KDM7A: variants seen among roughly 807,000 people sequenced by gnomAD.
KDM7A encodes lysine demethylase 7A.
KDM7A carries 28 observed loss-of-function variants against 114.8 expected under a neutral mutation model. That is an observed-to-expected ratio of 0.24 (90% CI 0.18 to 0.33). The LOEUF (loss-of-function observed/expected upper bound fraction) is 0.33, where lower values mean the gene tolerates loss of function less well. KDM7A is among the 10% of genes least tolerant of loss of function. KDM7A has a pLI of 1.00. For missense variants in KDM7A, 942 were observed against 1,142.5 expected (o/e 0.82, Z 2.53); for synonymous variants, 423 against 397.8 (o/e 1.06, Z -0.75).
chr7:140,125,311 C>G (rs57785931), intron 6 of KDM7A, among the ~76,000 whole-genome samples: 52,530 of 152,030 alleles, frequency 0.35, 9,337 homozygotes, highest in Middle Eastern at 0.43. Context: ...TGAAGACTGA[C>G]TTTCTACATC....
At chr7:140,157,596 G>A (rs1015562557) in intron 1 of KDM7A, among the ~76,000 whole-genome samples, 13 of 152,134 alleles carry the variant, frequency 8.5e-5, no homozygotes, top group African/African-American at 3.1e-4. Context: ...CAAGGCTGCA[G>A]TGAGCTGTGA....
At chr7:140,164,345 T>C (rs542664900) in intron 1 of KDM7A, among the ~76,000 whole-genome samples, 1 of 152,334 alleles carries the variant, frequency 6.6e-6, no homozygotes. Flanking sequence ...GATTTTAGAC[T>C]AGATCATTCT....
chr7:140,090,379 G>A lies in KDM7A; in HGVS notation c.*715C>T, dbSNP rs867020970. 6.6e-6 allele frequency: 1 copy of A among 152,154 alleles called. No individual in the cohort carries two copies. The highest frequency in any genetic ancestry group is 2.4e-5 in the African/African-American group (1 of 41,426). The allele number at this position is 152,154 out of a possible 1,614,324, so 9.4% of individuals were successfully genotyped here. A position where few individuals can be genotyped will look rare whatever the true frequency, so the allele number is the denominator to read the frequency against. ...GGGTCATCACAAAATGATGGGGAGTGCAGAGGGAAGGTGGGATATAAGGTA... is the reference window on the plus strand; with the variant it reads ...GGGTCATCACAAAATGATGGGGAGTACAGAGGGAAGGTGGGATATAAGGTA... On this transcript the variant is annotated 3_prime_UTR_variant, in exon 20 of 20. Coordinates refer to ENST00000397560, the MANE Select transcript of KDM7A (RefSeq NM_030647.2).
intron 1 of KDM7A, among the ~76,000 whole-genome samples, chr7:140,172,097 G>C (rs148482350): frequency 6.6e-6 from 1 of 152,180 alleles, no homozygotes; most frequent in Non-Finnish European, 1.5e-5. Context: ...ACTAAAAGTG[G>C]ACACTGTAGG....
rs78300720 is a variant in KDM7A at position 140,096,983 on chromosome 7, G to C, written c.2081C>G (p.Ser694Cys). 1.6e-4 allele frequency: 251 copies of C among 1,612,484 alleles called. 1 individual carries two copies. The East Asian group carries it at 5.5e-3, about 35-fold the overall frequency. The change falls in exon 16 of 20, where the codon TCC becomes TGC. Residue 694 changes from serine to cysteine, a missense_variant. Ser to Cys is a moderately radical substitution (Grantham distance 112). Transcript: ENST00000397560. ...SGDEKKQEIT[S>C]NFKEESNVMR... ...CACATTAGATTCCTCCTTAAAGTTGGATGTTATTTCTTGTTTCTTTTCATC... is the reference window on the plus strand; with the variant it reads ...CACATTAGATTCCTCCTTAAAGTTGCATGTTATTTCTTGTTTCTTTTCATC...
At chr7:140,151,884 T>C (rs62491425) in intron 1 of KDM7A, among the ~76,000 whole-genome samples, 9,349 of 152,282 alleles carry the variant, frequency 0.061, 366 homozygotes, top group Non-Finnish European at 0.09. Flanking sequence ...AGCTATATTT[T>C]CTAGGGCCTA....
chr7:140,125,475 A>G (rs1215672591), intron 6 of KDM7A, among the ~76,000 whole-genome samples: 1 of 152,258 alleles, frequency 6.6e-6, no homozygotes, highest in Non-Finnish European at 1.5e-5. Context: ...CATTTTAATT[A>G]TTTAAATTTA....
chr7:140,149,323 G>C (rs1794374128), intron 1 of KDM7A, among the ~76,000 whole-genome samples: 1 of 152,194 alleles, frequency 6.6e-6, no homozygotes, highest in Non-Finnish European at 1.5e-5. Context: ...TTTGCTTCAA[G>C]TACATAAATG....
intron 11 of KDM7A, among the ~76,000 whole-genome samples, chr7:140,103,477 A>G (rs1349496801): frequency 1.4e-5 from 2 of 141,646 alleles, no homozygotes; most frequent in East Asian, 3.9e-4. Context: ...CCAACCCACG[A>G]CAGGTCCCAG....
At chr7:140,162,807 T>C (rs191152812) in intron 1 of KDM7A, among the ~76,000 whole-genome samples, 16 of 152,192 alleles carry the variant, frequency 1.1e-4, no homozygotes, top group African/African-American at 3.9e-4. Flanking sequence ...TGTTAAGTAG[T>C]AAGAACAAAA....
At chr7:140,109,913 T>A (rs1270329492) in intron 11 of KDM7A, among the ~76,000 whole-genome samples, 1 of 152,208 alleles carries the variant, frequency 6.6e-6, no homozygotes, top group Non-Finnish European at 1.5e-5. Flanking sequence ...CATTTGGTAA[T>A]CTAATAATTT....
intron 6 of KDM7A, among the ~76,000 whole-genome samples, chr7:140,125,305 G>A (rs1244118876): frequency 6.6e-6 from 1 of 152,198 alleles, no homozygotes; most frequent in Non-Finnish European, 1.5e-5. Flanking sequence ...TATAGATGAA[G>A]ACTGACTTTC....
intron 2 of KDM7A, among the ~76,000 whole-genome samples, chr7:140,136,205 G>A (rs1320131599): frequency 2.0e-5 from 3 of 152,230 alleles, no homozygotes; most frequent in African/African-American, 7.2e-5. Flanking sequence ...GGGCTAGCTA[G>A]ATCATTTTTC....
In KDM7A at chr7:140,096,716, A is replaced by G. The variant is rs1395945148; in HGVS notation, c.2213T>C (p.Met738Thr). The change falls in exon 17 of 20, where the codon ATG becomes ACG. Residue 738 changes from methionine to threonine, a missense_variant. Physicochemically the swap from Met to Thr is moderately conservative, Grantham distance 81 (BLOSUM62 -1). Transcript: ENST00000397560. Reference protein sequence around the residue: ...TSTEEEAIQGMLSMAGLHYST... With the variant: ...TSTEEEAIQGTLSMAGLHYST... ...ATAGTGCAACCCTGCCATAGACAGC[A>G]TGCCCTGAATAGCTTCTTCCTCTGT... 1 of 1,614,100 alleles carries G rather than the reference A, an allele frequency of 6.2e-7. No individual in the cohort carries two copies. The highest frequency in any genetic ancestry group is 1.6e-4 in the Middle Eastern group (1 of 6,084).
chr7:140,100,699 T>TACAC (rs1562945993), intron 12 of KDM7A, among the ~76,000 whole-genome samples: 1 of 35,238 alleles, frequency 2.8e-5, no homozygotes, highest in Non-Finnish European at 6.4e-5. Context: ...CATATATATA[T>TACAC]ATATATATAC....
chr7:140,139,615 GAA>G (rs1012673742), intron 1 of KDM7A, among the ~76,000 whole-genome samples: 1 of 151,734 alleles, frequency 6.6e-6, no homozygotes, highest in Non-Finnish European at 1.5e-5. Context: ...GCATCTGCTA[GAA>G]AAAAAGAGGC....
intron 1 of KDM7A, among the ~76,000 whole-genome samples, chr7:140,152,400 G>C (rs954146190): frequency 6.6e-6 from 1 of 152,130 alleles, no homozygotes; most frequent in South Asian, 2.1e-4. Flanking sequence ...CAAGGAGGAT[G>C]GATTGCTTGA....
chr7:140,110,541 T>G (rs981127526), intron 11 of KDM7A, among the ~76,000 whole-genome samples: 5 of 152,184 alleles, frequency 3.3e-5, no homozygotes, highest in African/African-American at 1.2e-4. Flanking sequence ...AGCTAGACAC[T>G]AACAGAACAA....
intron 4 of KDM7A, 46 bp from the exon 5 acceptor site, chr7:140,127,629 T>A: frequency 6.7e-7 from 1 of 1,492,614 alleles, no homozygotes; most frequent in Non-Finnish European, 9.3e-7. Context: ...AAGAGTTACA[T>A]CAGCAGATGC....
Sources: allele counts gnomAD v4.1 joint callset (sites outside exome capture counted in the v4.1 genomes callset), GRCh38; gene constraint gnomAD v4.1.1; transcripts MANE v1.5; gene names NCBI Gene and HGNC (gene_info 2026-07-23, HGNC 2026-07-21).